CYFIP1: variants seen among roughly 807,000 people sequenced by gnomAD.
CYFIP1 encodes the protein cytoplasmic FMR1-interacting protein 1.
In CYFIP1, 58 loss-of-function variants were observed where a neutral mutation model predicts 163.5. That is an observed-to-expected ratio of 0.35 (90% confidence interval 0.29 to 0.44). The LOEUF (loss-of-function observed/expected upper bound fraction) is 0.44. Ranked by LOEUF, CYFIP1 falls within the 20% of genes least tolerant of loss-of-function variation. The pLI is 1.00. For missense variants in CYFIP1, 1,338 were observed against 1,653.8 expected, an observed-to-expected ratio of 0.81 and a Z score of 3.31; for synonymous variants, 663 against 660.7, an observed-to-expected ratio of 1.00 and a Z score of -0.05.
intron 1 of CYFIP1, among the ~76,000 whole-genome samples, chr15:22,958,831 G>C (rs534296245): frequency 7.2e-5 from 11 of 152,336 alleles, no homozygotes; most frequent in African/African-American, 2.6e-4. Context: ...GAGGGCAAGG[G>C]AGAGCAGTTC....
intron 1 of CYFIP1, among the ~76,000 whole-genome samples, chr15:22,964,353 T>TCTCACA (rs1491543312): frequency 6.0e-4 from 47 of 78,736 alleles, no homozygotes; most frequent in African/African-American, 1.8e-3. Flanking sequence ...ACCTCATCAC[T>TCTCACA]CACACACACA....
chr15:22,903,949 C>A (rs753819573), intron 21 of CYFIP1, 44 bp from the exon 22 acceptor site: 1 of 1,589,672 alleles, frequency 6.3e-7, no homozygotes, highest in Non-Finnish European at 8.6e-7. Context: ...CTGGTCCAGG[C>A]AGGAAGGAGG....
At chr15:22,947,807 G>T in intron 1 of CYFIP1, 1 of 340,830 alleles carries the variant, frequency 2.9e-6, no homozygotes, top group Non-Finnish European at 4.2e-6. Context: ...TGCACAGACA[G>T]GCTGAGATTG....
chr15:22,920,050 C>T (rs2061120273), intron 13 of CYFIP1, among the ~76,000 whole-genome samples: 1 of 150,378 alleles, frequency 6.6e-6, no homozygotes, highest in Non-Finnish European at 1.5e-5. Context: ...AACCCTACTT[C>T]AACATCTGAA....
rs370773976 is a variant in CYFIP1, at chr15:22,928,009, C to A, written c.1130G>T (p.Arg377Leu). Residue 377 changes from arginine (R) to leucine (L), a missense_variant, in exon 12 of 31, where the codon CGC becomes CTC. By Grantham distance (102) the Arg-to-Leu change is moderately radical. Coordinates refer to ENST00000617928, the MANE Select transcript of CYFIP1 (RefSeq NM_014608.6). ...SNSEVVTGSG[R>L]QEAQKTDAEY... ...CGCGTCCGTCTTCTGGGCCTCCTGG[C>A]GGCCCGAGCCCGTGACCACCTGCAC... is the stretch of plus-strand genomic sequence containing the variant. The A allele has an allele frequency of 6.4e-7, 1 of 1,573,772 alleles. No individual in the cohort carries two copies. The highest frequency in any genetic ancestry group is 8.6e-7 in the Non-Finnish European group (1 of 1,163,826).
chr15:22,883,001 A>T lies in CYFIP1; in HGVS notation c.2687T>A (p.Leu896Ter), dbSNP rs973999941. 7 of 1,613,810 alleles carry T rather than the reference A, an allele frequency of 4.3e-6. No individual in the cohort carries two copies. The highest frequency in any genetic ancestry group is 5.9e-6 in the Non-Finnish European group (7 of 1,179,760). ...GCTGCCGTAAATGCTGGAGTAGGCCAAGTTCAAAGCCTGGAAAACAGGGCA... is the reference window on the plus strand; with the variant it reads ...GCTGCCGTAAATGCTGGAGTAGGCCTAGTTCAAAGCCTGGAAAACAGGGCA... The part of the protein sequence containing the change: ...QYLHGSKALN[L>*]AYSSIYGSYR... The change falls in exon 24 of 31, where the codon TTG (leucine) becomes TAG (stop). Residue 896 changes from leucine to a stop codon, truncating the protein, a stop_gained. Transcript: ENST00000617928. LOFTEE classifies it high-confidence loss of function.
chr15:22,906,094 CTTAT>C (rs2060569169), intron 21 of CYFIP1, among the ~76,000 whole-genome samples: 2 of 150,696 alleles, frequency 1.3e-5, no homozygotes, highest in African/African-American at 4.9e-5. Context: ...TTCCAATAAC[CTTAT>C]TTCTCGATTT....
At chr15:22,953,656 AG>A (rs1241430722) in intron 1 of CYFIP1, among the ~76,000 whole-genome samples, 2 of 152,198 alleles carry the variant, frequency 1.3e-5, no homozygotes, top group African/African-American at 2.4e-5. Flanking sequence ...AGCCTTTATA[AG>A]TGGCTGCCAC....
rs1193999489 is a variant in CYFIP1 at position 22,867,592 on chromosome 15, G to A, written c.*2436C>T. On this transcript the variant is annotated 3_prime_UTR_variant, in exon 31 of 31. Coordinates refer to ENST00000617928, the MANE Select transcript of CYFIP1 (RefSeq NM_014608.6). ...GAACCTTGATTACCGTTTTACATCA[G>A]CTCTTGTACTTTTCAGTATATTTTC... The A allele has an allele frequency of 5.6e-6, 1 of 177,324 alleles. No homozygotes were observed. Among genetic ancestry groups the A allele is most frequent in the Non-Finnish European group, 1.2e-5 (1 of 85,506 alleles). The allele number at this position is 177,324 out of a possible 1,614,324, so 11.0% of individuals were successfully genotyped here.
rs566122830 is a variant in CYFIP1 at position 22,917,111 on chromosome 15, C to T, written c.1675-481G>A. Reference sequence around the variant, plus strand: ...ACACACCCCAGGCAGGGACACGGGACGCACGCAGAGGGAGGCAGGGAGGGT... The same window carrying T: ...ACACACCCCAGGCAGGGACACGGGATGCACGCAGAGGGAGGCAGGGAGGGT... On this transcript the variant is annotated intron_variant, in intron 15 of 30. Transcript: ENST00000617928. This position sits in a 1 kb window ranked among gnomAD's most constrained non-coding sequence, Gnocchi z 4.2. 35 of 1,455,710 alleles carry T rather than the reference C, an allele frequency of 2.4e-5. No individual in the cohort carries two copies. The highest frequency in any genetic ancestry group is 1.5e-4 in the East Asian group (6 of 40,316). 90.2% of individuals were successfully genotyped at this position (1,455,710 alleles called of 1,614,324 possible). A position where few individuals can be genotyped will look rare whatever the true frequency, so the allele number is the denominator to read the frequency against.
intron 11 of CYFIP1, among the ~76,000 whole-genome samples, chr15:22,930,799 T>G (rs2061513845): frequency 6.6e-6 from 1 of 152,178 alleles, no homozygotes; most frequent in Non-Finnish European, 1.5e-5. Context: ...GTAAAAAGTT[T>G]ATAAAGTAAA....
At chr15:22,906,392 G>C (rs1014460261) in intron 21 of CYFIP1, among the ~76,000 whole-genome samples, 5 of 151,600 alleles carry the variant, frequency 3.3e-5, no homozygotes, top group African/African-American at 1.2e-4. Context: ...ACAGGTGTGA[G>C]CCACCGTGCC....
chr15:22,903,935 A>G (rs1280297606), intron 21 of CYFIP1, 30 bp from the exon 22 acceptor site: 2 of 1,607,378 alleles, frequency 1.2e-6, no homozygotes, highest in South Asian at 2.2e-5. Context: ...GGTGGGTGAC[A>G]GAGCTGGTCC....
At chr15:22,900,421 C>T (rs551696240) in intron 22 of CYFIP1, among the ~76,000 whole-genome samples, 25 of 142,820 alleles carry the variant, frequency 1.8e-4, no homozygotes, top group East Asian at 1.2e-3. Context: ...TTTTTTGAGA[C>T]GGAGTCTCAC....
intron 20 of CYFIP1, 46 bp from the exon 21 acceptor site, chr15:22,909,359 A>T (rs1428789830): frequency 1.2e-6 from 2 of 1,605,134 alleles, no homozygotes; most frequent in South Asian, 1.1e-5. Context: ...GGACATGAGC[A>T]GCTCGAAAAC....
intron 30 of CYFIP1, among the ~76,000 whole-genome samples, chr15:22,872,147 C>G (rs4778290): frequency 6.6e-6 from 1 of 151,744 alleles, no homozygotes; most frequent in Non-Finnish European, 1.5e-5. Flanking sequence ...ATACAAAAAT[C>G]AGCCGGGCGT....
intron 1 of CYFIP1, among the ~76,000 whole-genome samples, chr15:22,957,920 T>C (rs1023170815): frequency 6.6e-6 from 1 of 152,196 alleles, no homozygotes; most frequent in African/African-American, 2.4e-5. Context: ...TGTGCTCTTC[T>C]GTATTTGGAA....
rs745984107 is a variant in CYFIP1, at chr15:22,933,810, A to G, written c.984T>C (p.Asn328=). 1 of 1,612,070 alleles carries G rather than the reference A, an allele frequency of 6.2e-7. No individual in the cohort carries two copies. The highest frequency in any genetic ancestry group is 8.5e-7 in the Non-Finnish European group (1 of 1,179,242). The change falls in exon 10 of 31, where the codon AAT becomes AAC. Residue 328 remains asparagine, a synonymous_variant. Coordinates refer to ENST00000617928, the MANE Select transcript of CYFIP1 (RefSeq NM_014608.6). ...CTTTCCTCTCCTCCTACCGAGATTTATTTTCCTCGTAGTGGGCGCTGGTCT... is the reference window on the plus strand; with the variant it reads ...CTTTCCTCTCCTCCTACCGAGATTTGTTTTCCTCGTAGTGGGCGCTGGTCT... ...YIKTSAHYEE[N]KSRWTCTSSG... is the part of the protein sequence containing the mutation.
At chr15:22,947,350 C>A in intron 1 of CYFIP1, 59 bp from the exon 2 acceptor site, 6 of 1,584,800 alleles carry the variant, frequency 3.8e-6, no homozygotes, top group Non-Finnish European at 5.2e-6. Context: ...ACCCAACAAG[C>A]TTCGAGGTTG....
Sources: gnomAD v4.1 joint callset for allele counts (sites outside exome capture counted in the v4.1 genomes callset) on GRCh38, gnomAD v4.1.1 for gene constraint, Gnocchi (gnomAD v3.1) non-coding constraint, MANE v1.5 for transcripts, NCBI Gene and HGNC (gene_info 2026-07-23, HGNC 2026-07-21) for gene names.